The following LGALS9 variants were observed in gnomAD, a reference collection of about 807,000 sequenced individuals.
LGALS9 encodes the protein galectin 9.
In LGALS9, 26 loss-of-function variants were observed where a neutral mutation model predicts 35.9. That is an observed-to-expected ratio of 0.72 (90% CI 0.53 to 1.01). The LOEUF (loss-of-function observed/expected upper bound fraction) is 1.01. Ranked by LOEUF, LGALS9 falls within the 50% of genes least tolerant of loss-of-function variation. LGALS9 has a pLI of 0.00. For synonymous variants in LGALS9, 149 were observed against 172.2 expected, an observed-to-expected ratio of 0.87 and a Z score of 1.06; for missense variants, 347 against 445.8, an observed-to-expected ratio of 0.78 and a Z score of 1.99.
chr17:27,635,936 C>T (rs766197131), intron 1 of LGALS9, among the ~76,000 whole-genome samples: 2 of 152,136 alleles, frequency 1.3e-5, no homozygotes, highest in South Asian at 4.1e-4. Flanking sequence ...CTGGTGTAGA[C>T]AGGGACAAGA....
At position 27,631,313 on chromosome 17, in the gene LGALS9, C is replaced by T. The variant is rs754950760; in HGVS notation, c.39+9C>T. The T allele has an allele frequency of 3.7e-6, 6 of 1,614,042 alleles. No individual in the cohort carries two copies. The highest frequency in any genetic ancestry group is 5.1e-6 in the Non-Finnish European group (6 of 1,180,024). On this transcript the variant is annotated intron_variant, in intron 1 of 10. Coordinates refer to ENST00000395473, the MANE Select transcript of LGALS9 (RefSeq NM_009587.3). Reference sequence around the variant, plus strand: ...CTCCCTACCTGAGTCCAGTGAGTTCCAGGGCTATGGGCACAGGGCTGCCTC... The same window carrying T: ...CTCCCTACCTGAGTCCAGTGAGTTCTAGGGCTATGGGCACAGGGCTGCCTC...
chr17:27,636,292 G>A (rs1295383476), intron 1 of LGALS9, among the ~76,000 whole-genome samples: 3 of 152,172 alleles, frequency 2.0e-5, no homozygotes, highest in Non-Finnish European at 2.9e-5. Context: ...ACATGCAGAA[G>A]GAATTGTACC....
At chr17:27,634,602 G>A (rs569150968) in intron 1 of LGALS9, among the ~76,000 whole-genome samples, 13 of 152,050 alleles carry the variant, frequency 8.5e-5, no homozygotes, top group East Asian at 1.9e-4. Flanking sequence ...CCCCAAAAAC[G>A]CAAACCAGCT....
chr17:27,640,878 C>G, intron 3 of LGALS9, 105 bp downstream of exon 3: 1 of 1,497,894 alleles, frequency 6.7e-7, no homozygotes, highest in Non-Finnish European at 9.2e-7. Flanking sequence ...CAGAGTGACA[C>G]CACTATACAG....
In LGALS9 at chr17:27,648,908, C is replaced by T. The variant is rs1176776874; in HGVS notation, c.994C>T (p.Arg332Cys). 2.5e-6 allele frequency: 4 copies of T among 1,613,832 alleles called. No individual in the cohort carries two copies. Among genetic ancestry groups the T allele is most frequent in the Admixed American group, 1.7e-5 (1 of 59,998 alleles). Reference protein sequence around the residue: ...DGQHLFEYYHRLRNLPTINRL... With the variant: ...DGQHLFEYYHCLRNLPTINRL... ...TCAGCACCTGTTTGAATACTACCAT[C>T]GCCTGAGGAACCTGCCCACCATCAA... The change falls in exon 11 of 11, where the codon CGC becomes TGC. Residue 332 changes from arginine (R) to cysteine (C), a missense_variant. Arg to Cys is a radical substitution (Grantham distance 180, BLOSUM62 -3). Transcript: ENST00000395473.
chr17:27,647,275 A>C lies in LGALS9; in HGVS notation c.764A>C (p.His255Pro), dbSNP rs1905023671. 1.2e-6 allele frequency: 2 copies of C among 1,613,856 alleles called. No individual in the cohort carries two copies. The highest frequency in any genetic ancestry group is 1.7e-6 in the Non-Finnish European group (2 of 1,180,034). ...AGGTGGGCTGCCCACCCCAGGTTCC[A>C]CATCAACCTGTGCTCTGGGAACCAC... Reference protein sequence around the residue: ...GTVLPSAQRFHINLCSGNHIA... With the variant: ...GTVLPSAQRFPINLCSGNHIA... The change falls in exon 10 of 11, where the codon CAC becomes CCC. Residue 255 changes from histidine (H) to proline (P), a missense_variant. Transcript: ENST00000395473.
At chr17:27,633,876 T>C (rs567510549) in intron 1 of LGALS9, among the ~76,000 whole-genome samples, 4 of 152,326 alleles carry the variant, frequency 2.6e-5, no homozygotes, top group African/African-American at 9.6e-5. Context: ...AGGAGGGAAC[T>C]GGGGCACAGG....
At chr17:27,645,712 G>A (rs1417627631) in intron 6 of LGALS9, 149 bp from the exon 7 acceptor site, 3 of 636,008 alleles carry the variant, frequency 4.7e-6, no homozygotes, top group African/African-American at 2.1e-5. Flanking sequence ...CTTGAGAGAA[G>A]AGACACCTGG....
At chr17:27,646,492 AGTGCTCGCG>A (rs1266659646) in intron 7 of LGALS9, 46 bp from the exon 8 acceptor site, 1 of 1,611,072 alleles carries the variant, frequency 6.2e-7, no homozygotes, top group African/African-American at 1.3e-5. Flanking sequence ...CGCCTGGGTG[AGTGCTCGCG>A]CACCCATGTG....
chr17:27,649,412 C>T lies in LGALS9; in HGVS notation c.*430C>T. 2 of 250,224 alleles carry T rather than the reference C, an allele frequency of 8.0e-6. No individual in the cohort carries two copies. The highest frequency in any genetic ancestry group is 9.3e-5 in the East Asian group (1 of 10,708). 15.5% of individuals were successfully genotyped at this position (250,224 alleles called of 1,614,324 possible). ...CTTTAACCTCACTCTCACCTTGCAC[C>T]GTGCACCAACCCTTCACCCCTCCTG... On this transcript the variant is annotated 3_prime_UTR_variant, in exon 11 of 11. Coordinates refer to ENST00000395473, the MANE Select transcript of LGALS9 (RefSeq NM_009587.3).
intron 2 of LGALS9, among the ~76,000 whole-genome samples, chr17:27,639,595 A>G (rs1904328933): frequency 6.6e-6 from 1 of 152,100 alleles, no homozygotes; most frequent in Non-Finnish European, 1.5e-5. Flanking sequence ...CTTTTGAGAC[A>G]GGGACTTTCT....
chr17:27,648,940 GGAA>G lies in LGALS9; in HGVS notation c.1028_1030del (p.Glu343del), dbSNP rs1407011113. The G allele has an allele frequency of 6.2e-7, 1 of 1,613,990 alleles. No homozygotes were observed. On this transcript the variant is annotated inframe_deletion, in exon 11 of 11. Transcript: ENST00000395473. ...GGAACCTGCCCACCATCAACAGACT[GGAA>G]GTGGGGGGCGACATCCAGCTGACCC...
rs189436715 is a variant in LGALS9 at position 27,631,357 on chromosome 17, C to A, written c.39+53C>A. The A allele has an allele frequency of 3.3e-5, 54 of 1,612,952 alleles. 1 individual carries two copies. The Admixed American group carries it at 5.8e-4, about 17-fold the overall frequency. On this transcript the variant is annotated intron_variant, in intron 1 of 10. Coordinates refer to ENST00000395473, the MANE Select transcript of LGALS9 (RefSeq NM_009587.3). ...CTGCCTCAGCCAGAGGGACACAGCT[C>A]TGGGGCTCTGAGGAAGCAACTCCTG...
chr17:27,646,520 T>C (rs1598189582), intron 7 of LGALS9, 27 bp from the exon 8 acceptor site: 1 of 1,611,940 alleles, frequency 6.2e-7, no homozygotes, highest in Non-Finnish European at 8.5e-7. Context: ...TGCTCTCCCA[T>C]TGAATTTCCT....
intron 2 of LGALS9, chr17:27,638,813 T>G (rs1273280943): frequency 7.2e-6 from 2 of 279,690 alleles, no homozygotes; most frequent in Non-Finnish European, 1.4e-5. Context: ...ACTAAGTCAA[T>G]TCAACATACT....
chr17:27,640,206 CA>C (rs1347357251), intron 2 of LGALS9, among the ~76,000 whole-genome samples: 2 of 152,200 alleles, frequency 1.3e-5, no homozygotes, highest in African/African-American at 4.8e-5. Context: ...TGCTGGCCTC[CA>C]ACAAGTGTCC....
intron 4 of LGALS9, 59 bp downstream of exon 4, chr17:27,642,407 G>A: frequency 1.9e-6 from 3 of 1,610,228 alleles, no homozygotes; most frequent in Non-Finnish European, 2.5e-6. Flanking sequence ...CAGCGTAGCT[G>A]TGTCTAAGCC....
In LGALS9 at chr17:27,640,697, A is replaced by T. The variant is rs755469498; in HGVS notation, c.257A>T (p.Glu86Val). The T allele has an allele frequency of 1.5e-5, 24 of 1,614,230 alleles. No homozygotes were observed. The highest frequency in any genetic ancestry group is 1.9e-5 in the Non-Finnish European group (23 of 1,180,038). The change falls in exon 3 of 11, where the codon GAG becomes GTG. Residue 86 changes from glutamate (E) to valine (V), a missense_variant. By Grantham distance (121) the Glu-to-Val change is moderately radical. Transcript: ENST00000395473. Reference protein sequence around the residue: ...TRQNGSWGPEERKTHMPFQKG... With the variant: ...TRQNGSWGPEVRKTHMPFQKG... ...CAGAACGGAAGCTGGGGGCCCGAGGAGAGGAAGACACACATGCCTTTCCAG... is the reference window on the plus strand; with the variant it reads ...CAGAACGGAAGCTGGGGGCCCGAGGTGAGGAAGACACACATGCCTTTCCAG...
intron 1 of LGALS9, among the ~76,000 whole-genome samples, chr17:27,634,848 T>G (rs1482230571): frequency 6.6e-6 from 1 of 152,216 alleles, no homozygotes; most frequent in African/African-American, 2.4e-5. Context: ...GTAACCAGTG[T>G]TATAAGTTTC....
Sources: allele counts gnomAD v4.1 joint callset (sites outside exome capture counted in the v4.1 genomes callset), GRCh38; gene constraint gnomAD v4.1.1; transcripts MANE v1.5; gene names NCBI Gene and HGNC (gene_info 2026-07-23, HGNC 2026-07-21).